Variants in VTCN1 observed in about 807,000 individuals in gnomAD.
VTCN1 encodes V-set domain containing T cell activation inhibitor 1, also known as V-set domain-containing T-cell activation inhibitor 1.
A neutral mutation model predicts 26.5 loss-of-function variants in VTCN1; 26 were observed. The observed-to-expected ratio is 0.98, with a 90% CI of 0.72 to 1.36. The LOEUF is 1.36. VTCN1 is among the 40% of genes most tolerant of loss of function. The probability of loss-of-function intolerance (pLI) is 0.00; values close to 1 mark genes in which losing one functional copy is unlikely to be tolerated. For missense variants in VTCN1, 298 were observed against 337.7 expected, an observed-to-expected ratio of 0.88 and a Z score of 0.92; for synonymous variants, 116 against 130.7, an observed-to-expected ratio of 0.89 and a Z score of 0.77.
intron 1 of VTCN1, among the ~76,000 whole-genome samples, chr1:117,204,288 C>T (rs997751421): frequency 1.3e-5 from 2 of 152,094 alleles, no homozygotes; most frequent in African/African-American, 2.4e-5. Context: ...GACCTAGGTG[C>T]TACTATTATT....
chr1:117,184,353 C>T (rs1647826802), intron 1 of VTCN1, among the ~76,000 whole-genome samples: 2 of 151,974 alleles, frequency 1.3e-5, no homozygotes, highest in South Asian at 4.2e-4. Flanking sequence ...CCAGCATTAG[C>T]CAAGCAGGAG....
chr1:117,156,398 T>C (rs952904346), intron 3 of VTCN1, among the ~76,000 whole-genome samples, 176 bp downstream of exon 3: 6 of 152,230 alleles, frequency 3.9e-5, no homozygotes, highest in African/African-American at 1.4e-4. Context: ...TCTCTTATAG[T>C]TGGCTACTTT....
rs1259655568 is a variant in VTCN1 at position 117,204,215 on chromosome 1, A to G, written c.32+6609T>C. On this transcript the variant is annotated intron_variant, in intron 1 of 5. Transcript: ENST00000369458. ...AATTAACACATAAAGTGCTAACTAT[A>G]TACAAGACGCTGCTCTGAGCTCTTT... Among the ~76,000 whole-genome samples the G allele has an allele frequency of 2.6e-5, 4 of 152,222 alleles. No individual in the cohort carries two copies. In the South Asian group the frequency reaches 8.3e-4, roughly 32 times the overall value.
At chr1:117,177,644 T>C (rs76219271) in intron 1 of VTCN1, among the ~76,000 whole-genome samples, 30 of 152,304 alleles carry the variant, frequency 2.0e-4, no homozygotes, top group Non-Finnish European at 3.5e-4. Context: ...CTGTTGAGTA[T>C]CAGGTTGAAG....
At chr1:117,176,226 T>C (rs886246521) in intron 1 of VTCN1, among the ~76,000 whole-genome samples, 15 of 152,236 alleles carry the variant, frequency 9.9e-5, no homozygotes, top group African/African-American at 3.6e-4. Context: ...ATTACCTTTT[T>C]ACATGTGGGG....
rs531302388 is a variant in VTCN1, at chr1:117,145,351, G to A, written c.*46-126C>T. On this transcript the variant is annotated intron_variant, in intron 5 of 5. Transcript: ENST00000369458. This position sits in a 1 kb window ranked among gnomAD's most constrained non-coding sequence, Gnocchi z 4.6. The stretch of plus-strand genomic sequence containing the variant: ...TGTTTAGAAAGGGGCTTATTTTTCA[G>A]TATTTTGATGTTGTTCTATTGAGGC... 6.6e-6 allele frequency: 1 copy of A among 152,282 alleles called. No individual in the cohort carries two copies. The highest frequency in any genetic ancestry group is 2.1e-4 in the South Asian group (1 of 4,818). 9.4% of individuals were successfully genotyped at this position (152,282 alleles called of 1,614,324 possible).
intron 1 of VTCN1, among the ~76,000 whole-genome samples, chr1:117,185,770 T>A (rs1482794760): frequency 6.6e-6 from 1 of 152,002 alleles, no homozygotes. Context: ...TGATAGTAAC[T>A]CTTTCAACCA....
rs1261643342 is a variant in VTCN1 at position 117,144,618 on chromosome 1, C to T, written c.*653G>A. 12 of 152,240 alleles carry T rather than the reference C, an allele frequency of 7.9e-5. No individual in the cohort carries two copies. Among genetic ancestry groups the T allele is most frequent in the Non-Finnish European group, 1.2e-4 (8 of 68,018 alleles). The allele number at this position is 152,240 out of a possible 1,614,324, so 9.4% of individuals were successfully genotyped here. A position where few individuals can be genotyped will look rare whatever the true frequency, so the allele number is the denominator to read the frequency against. On this transcript the variant is annotated 3_prime_UTR_variant, in exon 6 of 6. Transcript: ENST00000369458. Reference sequence around the variant, plus strand: ...AGTTTATTTATAAAATCGGTGTCGCCGACTGCTCTGTTTATGCTAAAATTA... The same window carrying T: ...AGTTTATTTATAAAATCGGTGTCGCTGACTGCTCTGTTTATGCTAAAATTA...
intron 1 of VTCN1, among the ~76,000 whole-genome samples, chr1:117,188,025 G>A (rs1247216249): frequency 6.6e-6 from 1 of 152,060 alleles, no homozygotes; most frequent in African/African-American, 2.4e-5. Context: ...AAAAGATTTG[G>A]GAAGATATTT....
At position 117,146,358 on chromosome 1, in the gene VTCN1, A is replaced by G. The variant is rs1488304835; in HGVS notation, c.*46-1133T>C. On this transcript the variant is annotated intron_variant, in intron 5 of 5. Coordinates refer to ENST00000369458, the MANE Select transcript of VTCN1 (RefSeq NM_024626.4). This position sits in a 1 kb window ranked among gnomAD's most constrained non-coding sequence, Gnocchi z 4.2. The stretch of plus-strand genomic sequence containing the variant: ...AAGAATCTCCTTTGTTCACTGCACT[A>G]TAGTGAAATCTTGGAGAACAAGAGA... 6.6e-6 allele frequency among the ~76,000 whole-genome samples: 1 copy of G among 152,198 alleles called. No individual in the cohort carries two copies. Among genetic ancestry groups the G allele is most frequent in the Non-Finnish European group, 1.5e-5 (1 of 68,026 alleles).
intron 1 of VTCN1, among the ~76,000 whole-genome samples, chr1:117,177,743 C>T (rs1647434736): frequency 6.6e-6 from 1 of 151,538 alleles, no homozygotes; most frequent in Non-Finnish European, 1.5e-5. Context: ...TAAATCATGA[C>T]CTGGGTCCCA....
intron 1 of VTCN1, among the ~76,000 whole-genome samples, chr1:117,191,781 C>CAATA (rs1226898241): frequency 2.8e-4 from 43 of 151,908 alleles, no homozygotes; most frequent in Admixed American, 2.6e-4. Flanking sequence ...AACTCCATCT[C>CAATA]AATAAATAAA....
chr1:117,198,049 A>G (rs1216726074), intron 1 of VTCN1, among the ~76,000 whole-genome samples: 1 of 152,152 alleles, frequency 6.6e-6, no homozygotes, highest in African/African-American at 2.4e-5. Context: ...CAGGGACACA[A>G]AACTGTTGGG....
chr1:117,162,112 T>A (rs1366504570), intron 2 of VTCN1, among the ~76,000 whole-genome samples: 1 of 152,174 alleles, frequency 6.6e-6, no homozygotes, highest in Non-Finnish European at 1.5e-5. Flanking sequence ...GTTGCATTAA[T>A]GATGTGGCAG....
At chr1:117,174,227 T>C (rs1653079292) in intron 1 of VTCN1, among the ~76,000 whole-genome samples, 1 of 152,232 alleles carries the variant, frequency 6.6e-6, no homozygotes, top group Non-Finnish European at 1.5e-5. Context: ...ATTCACAGTG[T>C]ACTTTTGGTA....
At chr1:117,200,440 G>C (rs1363448994) in intron 1 of VTCN1, among the ~76,000 whole-genome samples, 10 of 152,150 alleles carry the variant, frequency 6.6e-5, no homozygotes. Flanking sequence ...TTGCAGAGTA[G>C]TGTCAAGGAT....
chr1:117,168,999 T>C (rs907449427), intron 2 of VTCN1, among the ~76,000 whole-genome samples: 1 of 152,120 alleles, frequency 6.6e-6, no homozygotes, highest in Non-Finnish European at 1.5e-5. Flanking sequence ...TGTGACAGTA[T>C]TGAGTGCCAG....
intron 1 of VTCN1, among the ~76,000 whole-genome samples, chr1:117,204,987 T>C (rs1283960773): frequency 6.6e-6 from 1 of 150,654 alleles, no homozygotes; most frequent in Non-Finnish European, 1.5e-5. Flanking sequence ...TTCTGAACTT[T>C]TAAGCTCTGA....
rs200520408 is a variant in VTCN1 at position 117,175,769 on chromosome 1, C to CTTT, written c.33-5599_33-5598insAAA. On this transcript the variant is annotated intron_variant, in intron 1 of 5. Transcript: ENST00000369458. The surrounding 1 kb of genome is among the most constrained non-coding windows in gnomAD (Gnocchi z 4.2). ...GAGAGATACCTATCTCTCTCTCTCT[C>CTTT]TCTCTTTTTTTTTTTTTTTGAGATG... Among the ~76,000 whole-genome samples, 4 of 87,604 alleles carry CTTT rather than the reference C, an allele frequency of 4.6e-5. No homozygotes were observed. Among genetic ancestry groups the CTTT allele is most frequent in the African/African-American group, 1.5e-4 (4 of 26,896 alleles). 57.5% of individuals were successfully genotyped at this position (87,604 alleles called of 152,430 possible).
Sources: allele counts gnomAD v4.1 joint callset (sites outside exome capture counted in the v4.1 genomes callset), GRCh38; gene constraint gnomAD v4.1.1; non-coding constraint Gnocchi (gnomAD v3.1); transcripts MANE v1.5; gene names NCBI Gene and HGNC (gene_info 2026-07-23, HGNC 2026-07-21).